The following DOP1A variants were observed in gnomAD, a reference collection of about 807,000 sequenced individuals.
DOP1A encodes protein DOP1A.
A neutral mutation model predicts 267.6 loss-of-function variants in DOP1A; 90 were observed. The ratio of observed to expected loss-of-function variants is 0.34; its 90% CI spans 0.28 to 0.40. DOP1A has a LOEUF of 0.40. Ranked by LOEUF, DOP1A falls within the 10% of genes least tolerant of loss-of-function variation. The probability of loss-of-function intolerance (pLI) is 1.00; values close to 1 mark genes in which losing one functional copy is unlikely to be tolerated. For synonymous variants in DOP1A, 932 were observed against 999.1 expected, an observed-to-expected ratio of 0.93 and a Z score of 1.27; for missense variants, 2,437 against 2,900.4, an observed-to-expected ratio of 0.84 and a Z score of 3.67.
intron 4 of DOP1A, among the ~76,000 whole-genome samples, chr6:83,102,923 T>G (rs1241573172): frequency 6.6e-6 from 1 of 152,178 alleles, no homozygotes; most frequent in Non-Finnish European, 1.5e-5. Context: ...TCTCTTTGCT[T>G]ATTATTACTC....
chr6:83,107,158 C>T (rs1046351083), intron 4 of DOP1A, among the ~76,000 whole-genome samples: 2 of 151,568 alleles, frequency 1.3e-5, no homozygotes, highest in Non-Finnish European at 2.9e-5. Context: ...TTGGTTGTTG[C>T]TGTTTTTTTT....
At chr6:83,170,423 G>A (rs1432222791), downstream of DOP1A, 1 of 1,613,858 alleles carries the variant, frequency 6.2e-7, no homozygotes, top group African/African-American at 1.3e-5. Context: ...TAATCCTGGG[G>A]GTGTAACTGC....
intron 1 of DOP1A, among the ~76,000 whole-genome samples, chr6:83,078,304 T>C (rs151308469): frequency 2.0e-5 from 3 of 152,230 alleles, no homozygotes; most frequent in African/African-American, 4.8e-5. Context: ...GCACTTCTTA[T>C]ACGCTAAGTT....
Position 83,089,322 on chromosome 6 carries a change from G to T in DOP1A, c.-146-7409G>T, listed in dbSNP as rs566873868. ...TCTTATTTAAATTTTAGCTTTTTAT[G>T]CTATAAAGTGTAAAAACAAATCTGT... On this transcript the variant is annotated intron_variant, in intron 1 of 38. Coordinates refer to ENST00000349129, the MANE Select transcript of DOP1A (RefSeq NM_015018.4). Among the ~76,000 whole-genome samples, 4 of 152,212 alleles carry T rather than the reference G, an allele frequency of 2.6e-5. No homozygotes were observed. The South Asian group carries it at 8.3e-4, about 32-fold the overall frequency.
chr6:83,072,028 A>G (rs773559348), intron 1 of DOP1A, among the ~76,000 whole-genome samples: 2 of 152,152 alleles, frequency 1.3e-5, no homozygotes, highest in Non-Finnish European at 2.9e-5. Flanking sequence ...TCATCACTTA[A>G]GTTTTATATA....
rs1037845125 is a variant in DOP1A at position 83,123,829 on chromosome 6, C to T, written c.1340+847C>T. On this transcript the variant is annotated intron_variant, in intron 12 of 38. Transcript: ENST00000349129. ...AAATGTAGGAATCGTATTTTTTTGC[C>T]GCCTGGCCCTACCCTGGGTTTTTAC... Among the ~76,000 whole-genome samples the T allele has an allele frequency of 5.3e-5, 8 of 151,750 alleles. No homozygotes were observed. In the East Asian group the frequency reaches 7.8e-4, roughly 15 times the overall value.
At chr6:83,094,736 T>C (rs1182414368) in intron 1 of DOP1A, among the ~76,000 whole-genome samples, 1 of 152,230 alleles carries the variant, frequency 6.6e-6, no homozygotes, top group African/African-American at 2.4e-5. Context: ...ATTTGTCTTT[T>C]TATTATTGGC....
rs547687680 is a variant in DOP1A, at chr6:83,100,678, C to T, written c.139-27C>T. 14 of 1,407,768 alleles carry T rather than the reference C, an allele frequency of 9.9e-6. No individual in the cohort carries two copies. In the South Asian group the frequency reaches 2.4e-4, roughly 24 times the overall value. 87.2% of individuals were successfully genotyped at this position (1,407,768 alleles called of 1,614,324 possible). A position where few individuals can be genotyped will look rare whatever the true frequency, so the allele number is the denominator to read the frequency against. On this transcript the variant is annotated intron_variant, in intron 3 of 38. Transcript: ENST00000349129. ...AATGAATGCAATATTTTGTTTTTCTCAACTACATTAAAATGCTTTCTTCAA... is the reference window on the plus strand; with the variant it reads ...AATGAATGCAATATTTTGTTTTTCTTAACTACATTAAAATGCTTTCTTCAA...
At chr6:83,107,717 G>C (rs940780241) in intron 4 of DOP1A, among the ~76,000 whole-genome samples, 1 of 152,174 alleles carries the variant, frequency 6.6e-6, no homozygotes, top group Admixed American at 6.5e-5. Context: ...GGCTTCTTAG[G>C]CTGAGGCCTG....
At chr6:83,083,181 A>G (rs1768443394) in intron 1 of DOP1A, among the ~76,000 whole-genome samples, 3 of 152,224 alleles carry the variant, frequency 2.0e-5, no homozygotes, top group Middle Eastern at 6.8e-3. Flanking sequence ...TTTTTGCCTT[A>G]TATTTTAAAC....
chr6:83,118,334 T>G (rs1032658257), intron 7 of DOP1A, among the ~76,000 whole-genome samples: 17 of 152,146 alleles, frequency 1.1e-4, no homozygotes, highest in Admixed American at 3.3e-4. Flanking sequence ...AAGAAAAAAA[T>G]TATTTCTCTT....
At chr6:83,148,629 C>A in intron 26 of DOP1A, 130 bp from the exon 27 acceptor site, 1 of 557,042 alleles carries the variant, frequency 1.8e-6, no homozygotes, top group Non-Finnish European at 3.1e-6. Flanking sequence ...TACTAATTAA[C>A]GTTAGTAAAA....
At chr6:83,127,094 A>G (rs528733642) in intron 15 of DOP1A, among the ~76,000 whole-genome samples, 9 of 152,150 alleles carry the variant, frequency 5.9e-5, no homozygotes, top group Non-Finnish European at 1.2e-4. Context: ...CCGAAAAGAC[A>G]TATCAAAAGG....
Position 83,157,304 on chromosome 6 carries a change from A to G in DOP1A, c.6727A>G (p.Met2243Val), listed in dbSNP as rs1174995410. The change falls in exon 35 of 39, where the codon ATG becomes GTG. Residue 2243 changes from methionine (M) to valine (V), a missense_variant. Transcript: ENST00000349129. The part of the protein sequence containing the change: ...PQHLTSLWPT[M>V]ITELVQVFLL... ...ACATCTTACCTCACTCTGGCCTACC[A>G]TGATTACAGAACTTGTGAGTTAATT... is the stretch of plus-strand genomic sequence containing the variant. 7 of 1,613,406 alleles carry G rather than the reference A, an allele frequency of 4.3e-6. No individual in the cohort carries two copies. In the South Asian group the frequency reaches 5.5e-5, roughly 13 times the overall value.
intron 4 of DOP1A, among the ~76,000 whole-genome samples, chr6:83,107,280 T>C (rs1220286884): frequency 6.6e-6 from 1 of 152,058 alleles, no homozygotes; most frequent in Non-Finnish European, 1.5e-5. Flanking sequence ...ATGAAGCAGG[T>C]CCCTGGACAG....
At chr6:83,106,433 G>A (rs1334007751) in intron 4 of DOP1A, among the ~76,000 whole-genome samples, 2 of 151,878 alleles carry the variant, frequency 1.3e-5, no homozygotes, top group Non-Finnish European at 2.9e-5. Context: ...AAAGGAATGA[G>A]ATCATTTTAA....
At chr6:83,117,588 G>A (rs1030547581) in intron 7 of DOP1A, among the ~76,000 whole-genome samples, 2 of 152,120 alleles carry the variant, frequency 1.3e-5, no homozygotes, top group Admixed American at 6.5e-5. Flanking sequence ...AGTATAGTAG[G>A]TGCAGCTGCT....
At chr6:83,157,372 T>C (rs539965325) in intron 35 of DOP1A, 54 bp downstream of exon 35, 3 of 1,566,470 alleles carry the variant, frequency 1.9e-6, no homozygotes, top group East Asian at 4.5e-5. Context: ...AAACAGTGAT[T>C]AGTTTCCATG....
chr6:83,162,181 G>T (rs1419247782), intron 37 of DOP1A, among the ~76,000 whole-genome samples: 2 of 152,092 alleles, frequency 1.3e-5, no homozygotes, highest in African/African-American at 4.8e-5. Context: ...ATCCTATGCG[G>T]GGAGGGGAGA....
Sources: allele counts gnomAD v4.1 joint callset (sites outside exome capture counted in the v4.1 genomes callset), GRCh38; gene constraint gnomAD v4.1.1; transcripts MANE v1.5; gene names NCBI Gene and HGNC (gene_info 2026-07-23, HGNC 2026-07-21).